The following INVS variants were observed in gnomAD, a reference collection of about 807,000 sequenced individuals.
The protein encoded by INVS is inversin, also known as inversion of embryo turning homolog.
A neutral mutation model predicts 108.8 loss-of-function variants in INVS; 86 were observed. The ratio of observed to expected loss-of-function variants is 0.79; its 90% CI spans 0.66 to 0.95. The LOEUF is 0.95. Among genes scored for constraint, INVS ranks in the 40% least tolerant of loss-of-function variants. The pLI, the probability that INVS is intolerant of heterozygous loss-of-function variation, is 0.00. For missense variants in INVS, 1,169 were observed against 1,297.4 expected, an observed-to-expected ratio of 0.90 and a Z score of 1.52; for synonymous variants, 455 against 473.5, an observed-to-expected ratio of 0.96 and a Z score of 0.51.
intron 2 of INVS, among the ~76,000 whole-genome samples, chr9:100,112,728 T>C (rs1370846940): frequency 6.6e-6 from 1 of 151,852 alleles, no homozygotes; most frequent in East Asian, 1.9e-4. Context: ...TATAAATTTG[T>C]GTTGGGCAGC....
At chr9:100,122,576 CTTTTTTTTTTTT>C (rs1161036698) in intron 2 of INVS, among the ~76,000 whole-genome samples, 8 of 57,518 alleles carry the variant, frequency 1.4e-4, no homozygotes, top group Non-Finnish European at 1.6e-4. Flanking sequence ...AAGTGAGTTT[CTTTTTTTTTTTT>C]TTTTTTTTTT....
intron 3 of INVS, among the ~76,000 whole-genome samples, chr9:100,193,107 A>T (rs1284228218): frequency 1.3e-5 from 2 of 151,808 alleles, no homozygotes; most frequent in Non-Finnish European, 2.9e-5. Flanking sequence ...CCTCCTGAGT[A>T]GCTGGTACTA....
intron 3 of INVS, among the ~76,000 whole-genome samples, chr9:100,160,852 G>A (rs929762009): frequency 6.6e-6 from 1 of 151,296 alleles, no homozygotes; most frequent in Non-Finnish European, 1.5e-5. Context: ...CTACTCAGGA[G>A]GCTGAGGCAG....
At chr9:100,159,354 G>C (rs1829099010) in intron 3 of INVS, among the ~76,000 whole-genome samples, 5 of 152,200 alleles carry the variant, frequency 3.3e-5, no homozygotes. Flanking sequence ...ATTCTGCAGA[G>C]ATAACCAAGT....
intron 16 of INVS, among the ~76,000 whole-genome samples, chr9:100,300,112 C>A (rs1833918461): frequency 6.6e-6 from 1 of 152,114 alleles, no homozygotes; most frequent in Non-Finnish European, 1.5e-5. Context: ...AATTCAAAGT[C>A]ATAAAAAGGC....
In INVS at chr9:100,158,232, A is replaced by G. The variant is rs993537890; in HGVS notation, c.273+31683A>G. Among the ~76,000 whole-genome samples the G allele has an allele frequency of 2.6e-5, 4 of 152,194 alleles. No individual in the cohort carries two copies. The East Asian group carries it at 5.8e-4, about 22-fold the overall frequency. On this transcript the variant is annotated intron_variant, in intron 3 of 16. Transcript: ENST00000262457. The stretch of plus-strand genomic sequence containing the variant: ...TTTAGCTGATCAGGGGAATTCTATT[A>G]TCTCTTTTCTGTAGCATAAATATTA...
intron 3 of INVS, among the ~76,000 whole-genome samples, chr9:100,135,850 AGATGG>A (rs1274117273): frequency 6.6e-6 from 1 of 152,082 alleles, no homozygotes; most frequent in Non-Finnish European, 1.5e-5. Flanking sequence ...TATGGTTTAT[AGATGG>A]GAAGAGGACT....
chr9:100,186,365 C>T (rs749451648), intron 3 of INVS, among the ~76,000 whole-genome samples: 14 of 151,982 alleles, frequency 9.2e-5, no homozygotes, highest in Non-Finnish European at 1.8e-4. Context: ...CTTGGCCAGG[C>T]TGATTTTGAA....
At chr9:100,100,680 AATAT>A (rs1463853384) in intron 1 of INVS, among the ~76,000 whole-genome samples, 7 of 40,750 alleles carry the variant, frequency 1.7e-4, no homozygotes, top group South Asian at 5.4e-4. Context: ...ATGTACATAT[AATAT>A]ATATATTATA....
intron 14 of INVS, among the ~76,000 whole-genome samples, chr9:100,294,943 A>G (rs753608191): frequency 1.3e-5 from 2 of 152,202 alleles, no homozygotes; most frequent in Non-Finnish European, 2.9e-5. Context: ...AGGAAACTGA[A>G]GCACAGAGAG....
intron 13 of INVS, among the ~76,000 whole-genome samples, chr9:100,290,589 T>C (rs1057078538): frequency 6.6e-6 from 1 of 152,174 alleles, no homozygotes; most frequent in Non-Finnish European, 1.5e-5. Context: ...CGACCTCAGG[T>C]GATCTGCCCA....
chr9:100,169,652 T>C (rs1829477379), intron 3 of INVS, among the ~76,000 whole-genome samples: 1 of 152,188 alleles, frequency 6.6e-6, no homozygotes, highest in Admixed American at 6.5e-5. Context: ...TTTTACAATG[T>C]GGTAGGTACT....
At chr9:100,129,875 A>G (rs748992123) in intron 3 of INVS, 35 of 458,406 alleles carry the variant, frequency 7.6e-5, no homozygotes, top group Non-Finnish European at 1.4e-4. Flanking sequence ...TGGAGATAAT[A>G]GTGGCTGGAA....
intron 11 of INVS, among the ~76,000 whole-genome samples, chr9:100,270,738 A>G (rs1832927098): frequency 1.5e-5 from 2 of 137,608 alleles, no homozygotes; most frequent in East Asian, 2.0e-4. Flanking sequence ...ACAAGAGCAA[A>G]ACTCCATCTC....
chr9:100,293,516 G>A (rs894067529), intron 14 of INVS, among the ~76,000 whole-genome samples: 20 of 152,112 alleles, frequency 1.3e-4, no homozygotes, highest in African/African-American at 4.1e-4. Flanking sequence ...TTATTCTTAT[G>A]TCTTTACTAC....
intron 3 of INVS, among the ~76,000 whole-genome samples, chr9:100,144,040 C>G (rs1029863607): frequency 7.2e-5 from 11 of 152,014 alleles, no homozygotes; most frequent in African/African-American, 2.7e-4. Flanking sequence ...GAGTGGCTGC[C>G]AGGTGAGTTG....
At chr9:100,246,508 G>A in intron 7 of INVS, 108 bp from the exon 8 acceptor site, 5 of 744,458 alleles carry the variant, frequency 6.7e-6, no homozygotes, top group Non-Finnish European at 9.0e-6. Flanking sequence ...CAAAAGCAAG[G>A]GGAAAATGCT....
chr9:100,284,824 G>T (rs1833387684), intron 13 of INVS, among the ~76,000 whole-genome samples: 1 of 151,874 alleles, frequency 6.6e-6, no homozygotes, highest in Non-Finnish European at 1.5e-5. Flanking sequence ...TATCTTGATT[G>T]ATTTATGGTT....
At chr9:100,221,200 A>G (rs1831137128) in intron 3 of INVS, among the ~76,000 whole-genome samples, 1 of 152,152 alleles carries the variant, frequency 6.6e-6, no homozygotes, top group South Asian at 2.1e-4. Flanking sequence ...TCAAACTAGT[A>G]TCTTCCTCTG....
Sources: gnomAD v4.1 joint callset for allele counts (sites outside exome capture counted in the v4.1 genomes callset) on GRCh38, gnomAD v4.1.1 for gene constraint, MANE v1.5 for transcripts, NCBI Gene and HGNC (gene_info 2026-07-23, HGNC 2026-07-21) for gene names.